Variants in RNF150 observed in about 807,000 individuals in gnomAD.
The protein encoded by RNF150 is ring finger protein 150.
Under a neutral mutation model 39.3 loss-of-function variants are expected in RNF150, and 24 were observed. That is an observed-to-expected ratio of 0.61 (90% CI 0.44 to 0.86). The LOEUF (loss-of-function observed/expected upper bound fraction) is 0.86. Ranked by LOEUF, RNF150 falls within the 40% of genes least tolerant of loss-of-function variation. RNF150 has a pLI of 0.00. For synonymous variants in RNF150, 255 were observed against 227.3 expected (o/e 1.12, Z -1.10); for missense variants, 502 against 587.8 (o/e 0.85, Z 1.51).
intron 6 of RNF150, among the ~76,000 whole-genome samples, chr4:140,901,290 C>A (rs1356893402): frequency 2.7e-5 from 3 of 109,212 alleles, no homozygotes; most frequent in Non-Finnish European, 3.8e-5. Flanking sequence ...CTGCATAGTA[C>A]AATATCAATA....
At chr4:141,144,585 T>C (rs773080852) in intron 1 of RNF150, among the ~76,000 whole-genome samples, 17 of 152,100 alleles carry the variant, frequency 1.1e-4, no homozygotes, top group Non-Finnish European at 2.2e-4. Flanking sequence ...TTAATGTTTT[T>C]AGGAGCATGA....
At chr4:141,128,568 A>G (rs771253696) in intron 1 of RNF150, among the ~76,000 whole-genome samples, 26 of 152,206 alleles carry the variant, frequency 1.7e-4, no homozygotes, top group Non-Finnish European at 3.7e-4. Context: ...GCCTTTGCCT[A>G]TAACTGAAAG....
In RNF150 at chr4:140,863,807, C is replaced by G. The variant is rs964591638; in HGVS notation, c.*4454G>C. On this transcript the variant is annotated 3_prime_UTR_variant, in exon 7 of 7. Coordinates refer to ENST00000515673, the MANE Select transcript of RNF150 (RefSeq NM_020724.2). ...CCACAGAGGGAGTGACTCCATAGCC[C>G]AGATTTTTTGAAAAGTTTTGATTTA... 1.6e-4 allele frequency: 24 copies of G among 151,918 alleles called. No homozygotes were observed. Among genetic ancestry groups the G allele is most frequent in the African/African-American group, 5.1e-4 (21 of 41,448 alleles). 9.4% of individuals were successfully genotyped at this position (151,918 alleles called of 1,614,324 possible).
chr4:140,972,593 C>T (rs964192527), intron 1 of RNF150, among the ~76,000 whole-genome samples: 2 of 152,128 alleles, frequency 1.3e-5, no homozygotes, highest in Non-Finnish European at 2.9e-5. Flanking sequence ...GGCTCCCCTG[C>T]AGCTGGGTGT....
chr4:140,870,456 ATGTGTGTGTGTG>A (rs36234235), intron 6 of RNF150, among the ~76,000 whole-genome samples: 4 of 147,776 alleles, frequency 2.7e-5, no homozygotes, highest in African/African-American at 5.0e-5. Context: ...TTGTGCGTGT[ATGTGTGTGTGTG>A]TGTGTGTGTG....
At chr4:141,001,804 A>G (rs1734676374) in intron 1 of RNF150, among the ~76,000 whole-genome samples, 1 of 152,166 alleles carries the variant, frequency 6.6e-6, no homozygotes, top group South Asian at 2.1e-4. Context: ...TTGAAAAATC[A>G]GGATGTTTTA....
chr4:141,091,335 G>C (rs2111008452), intron 1 of RNF150, among the ~76,000 whole-genome samples: 1 of 152,208 alleles, frequency 6.6e-6, no homozygotes, highest in Admixed American at 6.5e-5. Flanking sequence ...TCAAAAATAG[G>C]TTTTATAAGG....
At chr4:140,947,428 T>A (rs1381115036) in intron 4 of RNF150, among the ~76,000 whole-genome samples, 1 of 152,170 alleles carries the variant, frequency 6.6e-6, no homozygotes, top group African/African-American at 2.4e-5. Flanking sequence ...ATACTTCCTT[T>A]GATGCAAAGG....
At chr4:141,066,010 T>C (rs1242202244) in intron 1 of RNF150, among the ~76,000 whole-genome samples, 1 of 152,096 alleles carries the variant, frequency 6.6e-6, no homozygotes, top group Non-Finnish European at 1.5e-5. Flanking sequence ...TCTCTGTGCA[T>C]GGGTGGTTCA....
At chr4:141,082,367 T>C (rs540251892) in intron 1 of RNF150, among the ~76,000 whole-genome samples, 1 of 152,306 alleles carries the variant, frequency 6.6e-6, no homozygotes, top group African/African-American at 2.4e-5. Flanking sequence ...ACAAGGTGAC[T>C]GAGGGATTCA....
At chr4:140,992,565 C>T (rs967483160) in intron 1 of RNF150, among the ~76,000 whole-genome samples, 1 of 152,086 alleles carries the variant, frequency 6.6e-6, no homozygotes, top group Non-Finnish European at 1.5e-5. Context: ...AGAGGCACTA[C>T]AGACTGAGCA....
At chr4:141,122,701 T>C (rs1377112649) in intron 1 of RNF150, among the ~76,000 whole-genome samples, 1 of 152,200 alleles carries the variant, frequency 6.6e-6, no homozygotes, top group Non-Finnish European at 1.5e-5. Flanking sequence ...TCAAAATGTA[T>C]GATTAAATTT....
chr4:141,030,119 A>G lies in RNF150; in HGVS notation c.485-62246T>C, dbSNP rs192550287. 3.1e-4 allele frequency among the ~76,000 whole-genome samples: 47 copies of G among 152,036 alleles called. No individual in the cohort carries two copies. The East Asian group carries it at 3.1e-3, about 10-fold the overall frequency. On this transcript the variant is annotated intron_variant, in intron 1 of 6. Transcript: ENST00000515673. ...CGAGGCAGGAGAATGGTGGGAACCC[A>G]GGAGGCAGAGCTTGCAGTGAGCCAA...
intron 1 of RNF150, among the ~76,000 whole-genome samples, chr4:141,062,470 T>C (rs897495356): frequency 2.0e-5 from 3 of 152,104 alleles, no homozygotes; most frequent in East Asian, 3.9e-4. Flanking sequence ...ATATCACTCA[T>C]AATCTTACCA....
intron 2 of RNF150, among the ~76,000 whole-genome samples, chr4:140,966,996 T>C (rs989341756): frequency 5.9e-5 from 9 of 152,174 alleles, no homozygotes; most frequent in Non-Finnish European, 1.3e-4. Flanking sequence ...GCTTGGCTTA[T>C]GTATTGATGT....
intron 1 of RNF150, among the ~76,000 whole-genome samples, chr4:140,975,582 T>A (rs1412380652): frequency 6.6e-6 from 1 of 152,204 alleles, no homozygotes; most frequent in African/African-American, 2.4e-5. Context: ...ATCTACTCAT[T>A]TGGTACTATC....
At chr4:140,895,610 G>A (rs1729914147) in intron 6 of RNF150, among the ~76,000 whole-genome samples, 1 of 152,168 alleles carries the variant, frequency 6.6e-6, no homozygotes, top group African/African-American at 2.4e-5. Flanking sequence ...TTTGGTGGCA[G>A]ATCATTCTGC....
intron 1 of RNF150, among the ~76,000 whole-genome samples, chr4:141,161,674 G>A (rs1413046914): frequency 1.3e-5 from 2 of 152,194 alleles, no homozygotes; most frequent in Non-Finnish European, 2.9e-5. Flanking sequence ...CAGGCCCAGG[G>A]CCCCAGTGTC....
intron 1 of RNF150, among the ~76,000 whole-genome samples, chr4:141,054,408 A>G (rs1317186118): frequency 6.6e-6 from 1 of 152,126 alleles, no homozygotes; most frequent in African/African-American, 2.4e-5. Flanking sequence ...AAATATATTA[A>G]CTTTTTATTC....
Sources: gnomAD v4.1 joint callset for allele counts (sites outside exome capture counted in the v4.1 genomes callset) on GRCh38, gnomAD v4.1.1 for gene constraint, MANE v1.5 for transcripts, NCBI Gene and HGNC (gene_info 2026-07-23, HGNC 2026-07-21) for gene names.